The following NEBL variants were observed in gnomAD, a reference collection of about 807,000 sequenced individuals.
NEBL encodes LIM and SH3 protein 2.
NEBL carries 122 observed loss-of-function variants against 140.2 expected under a neutral mutation model. That is an observed-to-expected ratio of 0.87 (90% CI 0.75 to 1.01). The LOEUF (loss-of-function observed/expected upper bound fraction) is 1.01, where lower values mean the gene tolerates loss of function less well. NEBL is among the 50% of genes least tolerant of loss of function. The pLI is 0.00. For synonymous variants in NEBL, 436 were observed against 398.9 expected (o/e 1.09, Z -1.11); for missense variants, 1,365 against 1,231.3 (o/e 1.11, Z -1.62).
chr10:21,115,150 T>C (rs996392559), intron 2 of NEBL, among the ~76,000 whole-genome samples: 1 of 151,972 alleles, frequency 6.6e-6, no homozygotes, highest in East Asian at 1.9e-4. Context: ...TTATACCACT[T>C]TATATATATT....
At chr10:20,940,207 T>C (rs910382427) in intron 4 of NEBL, among the ~76,000 whole-genome samples, 2 of 152,004 alleles carry the variant, frequency 1.3e-5, no homozygotes, top group African/African-American at 4.8e-5. Flanking sequence ...TCAGCAAATG[T>C]AAAAGAACAG....
chr10:21,261,450 A>G (rs916630825), intron 1 of NEBL, among the ~76,000 whole-genome samples: 14 of 152,098 alleles, frequency 9.2e-5, no homozygotes, highest in Admixed American at 8.5e-4. Flanking sequence ...GCTTGAGCCC[A>G]GGAGTTCAAG....
At chr10:21,101,785 C>T (rs1837491549) in intron 2 of NEBL, among the ~76,000 whole-genome samples, 2 of 152,176 alleles carry the variant, frequency 1.3e-5, no homozygotes, top group Non-Finnish European at 2.9e-5. Flanking sequence ...TCCAAATGAG[C>T]TCAATAAGTG....
intron 2 of NEBL, among the ~76,000 whole-genome samples, chr10:21,171,114 T>A (rs2132182260): frequency 6.6e-6 from 1 of 152,140 alleles, no homozygotes; most frequent in South Asian, 2.1e-4. Context: ...GCGGGGCAGA[T>A]CACCTGAGGT....
chr10:21,260,270 A>T (rs28718643), intron 1 of NEBL, among the ~76,000 whole-genome samples: 21,177 of 151,884 alleles, frequency 0.14, 1,893 homozygotes, highest in African/African-American at 0.23. Flanking sequence ...AGGTCATCCA[A>T]CCCTATCTGC....
intron 2 of NEBL, among the ~76,000 whole-genome samples, chr10:20,896,683 A>AT (rs1847526034): frequency 6.6e-6 from 1 of 151,936 alleles, no homozygotes; most frequent in South Asian, 2.1e-4. Context: ...AAATACTGCA[A>AT]TTCAATGCCT....
At position 21,053,030 on chromosome 10, in the gene NEBL, G is replaced by A. The variant is rs551814381; in HGVS notation, c.165-32829C>T. 4.6e-5 allele frequency among the ~76,000 whole-genome samples: 7 copies of A among 152,264 alleles called. No homozygotes were observed. The East Asian group carries it at 7.7e-4, about 17-fold the overall frequency. ...GAAGATGTTCCCAACACATAGAAAC[G>A]ATGTTTGAGGTGACAGATATCCTAA... On this transcript the variant is annotated intron_variant, in intron 2 of 6. Coordinates refer to the NEBL transcript ENST00000417816.
intron 1 of NEBL, among the ~76,000 whole-genome samples, chr10:21,254,861 T>C (rs1272035916): frequency 6.6e-6 from 1 of 152,174 alleles, no homozygotes; most frequent in Admixed American, 6.5e-5. Flanking sequence ...TCTTACTTCC[T>C]GGAGACCTAA....
At chr10:20,956,985 C>G (rs918806007) in intron 4 of NEBL, among the ~76,000 whole-genome samples, 3 of 152,174 alleles carry the variant, frequency 2.0e-5, no homozygotes, top group African/African-American at 7.2e-5. Flanking sequence ...CCATACAACT[C>G]AATTTCACAC....
intron 2 of NEBL, among the ~76,000 whole-genome samples, chr10:21,156,161 G>C (rs1001537676): frequency 6.6e-6 from 1 of 152,154 alleles, no homozygotes; most frequent in Non-Finnish European, 1.5e-5. Context: ...CATTTATTGG[G>C]GGACAGGAGG....
chr10:21,280,101 C>T (rs1405408447), intron 1 of NEBL, among the ~76,000 whole-genome samples: 1 of 152,096 alleles, frequency 6.6e-6, no homozygotes, highest in Non-Finnish European at 1.5e-5. Context: ...CTGCCTAGAA[C>T]CCAAGTGGAT....
chr10:21,142,633 A>C (rs1839687004), intron 2 of NEBL, among the ~76,000 whole-genome samples: 1 of 152,188 alleles, frequency 6.6e-6, no homozygotes, highest in Non-Finnish European at 1.5e-5. Flanking sequence ...CAAATACTCC[A>C]TGCCTGAAAA....
chr10:21,184,783 A>G (rs1233499456), intron 3 of NEBL, among the ~76,000 whole-genome samples: 1 of 152,262 alleles, frequency 6.6e-6, no homozygotes, highest in East Asian at 1.9e-4. Context: ...TGTTAAGCGA[A>G]AAAGGTTATA....
chr10:21,149,769 C>T (rs971889274), intron 2 of NEBL, among the ~76,000 whole-genome samples: 3 of 152,136 alleles, frequency 2.0e-5, no homozygotes, highest in Admixed American at 6.5e-5. Context: ...AAGTGGGTGA[C>T]GGGGGCGGTC....
chr10:20,886,034 A>G lies in NEBL; in HGVS notation c.369+2063T>C, dbSNP rs563468375. 2.0e-5 allele frequency among the ~76,000 whole-genome samples: 3 copies of G among 152,296 alleles called. No homozygotes were observed. In the East Asian group the frequency reaches 5.8e-4, roughly 29 times the overall value. On this transcript the variant is annotated intron_variant, in intron 4 of 27. Transcript: ENST00000377122. ...GCTCAGCATTTTTCAAGAGTAATGT[A>G]TTTTCAGACTACTTAAAAATAGCTA...
chr10:21,260,553 G>C (rs1181128381), intron 1 of NEBL, among the ~76,000 whole-genome samples: 1 of 152,122 alleles, frequency 6.6e-6, no homozygotes, highest in Non-Finnish European at 1.5e-5. Context: ...ATTTGTTCAA[G>C]TATTTGGTAT....
chr10:20,786,072 A>T (rs907572344), intron 27 of NEBL, 149 bp from the exon 28 acceptor site: 15 of 771,560 alleles, frequency 1.9e-5, no homozygotes, highest in Admixed American at 7.3e-5. Flanking sequence ...CTAGCATCTC[A>T]TTGTGCTGAT....
chr10:21,202,619 T>G (rs372858297), intron 3 of NEBL, among the ~76,000 whole-genome samples: 1 of 151,776 alleles, frequency 6.6e-6, no homozygotes, highest in African/African-American at 2.4e-5. Context: ...CCTGCCACCA[T>G]GCCCGGCTAA....
chr10:20,966,046 G>C (rs909822948), intron 3 of NEBL, among the ~76,000 whole-genome samples: 3 of 152,228 alleles, frequency 2.0e-5, no homozygotes, highest in African/African-American at 7.2e-5. Flanking sequence ...AAGGCACTTT[G>C]AAAACGCATT....
Sources: allele counts gnomAD v4.1 joint callset (sites outside exome capture counted in the v4.1 genomes callset), GRCh38; gene constraint gnomAD v4.1.1; transcripts MANE v1.5; gene names NCBI Gene and HGNC (gene_info 2026-07-23, HGNC 2026-07-21).